Variants in ZC4H2 observed in about 807,000 individuals in gnomAD.
ZC4H2 encodes zinc finger C4H2-type containing, also known as zinc finger C4H2 domain-containing protein.
For missense variants in ZC4H2, 137 were observed against 173.9 expected, an observed-to-expected ratio of 0.79 and a Z score of 1.19; for synonymous variants, 84 against 66.3, an observed-to-expected ratio of 1.27 and a Z score of -1.30.
chrX:64,973,358 T>G (rs763232607), intron 1 of ZC4H2, among the ~76,000 whole-genome samples: 1 of 110,931 alleles, frequency 9.0e-6, no homozygotes, highest in South Asian at 3.8e-4. Flanking sequence ...AGTAATATAT[T>G]ATGTATACAT....
chrX:65,019,494 C>A (rs752238558), intron 1 of ZC4H2, among the ~76,000 whole-genome samples: 7 of 111,999 alleles, frequency 6.3e-5, no homozygotes, highest in Non-Finnish European at 1.1e-4. Context: ...GCATCAACAT[C>A]AACAAAAAGG....
intron 1 of ZC4H2, among the ~76,000 whole-genome samples, chrX:64,923,683 A>AT (rs58475253): frequency 0.018 from 1,771 of 98,513 alleles, 24 homozygotes; most frequent in East Asian, 0.04. Context: ...ATGTTATTGT[A>AT]TTTTTTTTTT....
rs766567908 is a variant in ZC4H2 at position 65,012,515 on chromosome X, CTT to C, written c.-272+22112_-272+22113del. Among the ~76,000 whole-genome samples the C allele has an allele frequency of 5.4e-5, 6 of 111,400 alleles. No homozygotes were observed. In the South Asian group the frequency reaches 1.1e-3, roughly 21 times the overall value. On this transcript the variant is annotated intron_variant, in intron 1 of 4. Transcript: ENST00000337990. ...CCTCTCTTGCTCTCATTCACTCTCT[CTT>C]GTACTACATAATCTTACTTCTTCCT...
Position 64,946,428 on chromosome X carries a change from C to T in ZC4H2, c.54-24440G>A, listed in dbSNP as rs777215253. ...CTGCTCGCCCTCTGTGGGCTGCACC[C>T]GCTGTCTAACCAGTCCCAACGAGAG... On this transcript the variant is annotated intron_variant, in intron 1 of 4. Coordinates refer to ENST00000374839, the MANE Select transcript of ZC4H2 (RefSeq NM_018684.4). 6.3e-5 allele frequency among the ~76,000 whole-genome samples: 7 copies of T among 110,904 alleles called. No individual in the cohort carries two copies. In the East Asian group the frequency reaches 8.5e-4, roughly 13 times the overall value.
intron 1 of ZC4H2, among the ~76,000 whole-genome samples, chrX:64,982,996 G>A (rs1351525514): frequency 9.0e-6 from 1 of 111,697 alleles, no homozygotes; most frequent in African/African-American, 3.3e-5. Flanking sequence ...GAGTGGGAAG[G>A]CAGATGTCCT....
intron 1 of ZC4H2, among the ~76,000 whole-genome samples, chrX:64,957,921 T>C (rs890913827): frequency 5.4e-5 from 6 of 111,291 alleles, no homozygotes; most frequent in African/African-American, 1.6e-4. Context: ...AGCCTAGGCC[T>C]ACACAGGGTT....
intron 1 of ZC4H2, among the ~76,000 whole-genome samples, chrX:64,999,254 G>A (rs934499466): frequency 9.0e-6 from 1 of 110,692 alleles, no homozygotes; most frequent in Admixed American, 9.6e-5. Context: ...CATCTCACTG[G>A]GACAGGTTAG....
intron 1 of ZC4H2, among the ~76,000 whole-genome samples, chrX:65,022,987 C>T (rs1340355051): frequency 9.0e-6 from 1 of 111,587 alleles, no homozygotes; most frequent in East Asian, 2.8e-4. Context: ...GGTGCTATTT[C>T]TGAGGCTTCT....
Position 64,940,292 on chromosome X carries a change from G to C in ZC4H2, c.54-18304C>G, listed in dbSNP as rs1163463633. ...GTAAACTTGTTTAAGATCCTTGTAG[G>C]ATCTGGATATTAGACCTTTGTCAGA... On this transcript the variant is annotated intron_variant, in intron 1 of 4. Transcript: ENST00000374839. 2.2e-4 allele frequency among the ~76,000 whole-genome samples: 24 copies of C among 111,227 alleles called. No homozygotes were observed. In the Admixed American group the frequency reaches 2.3e-3, roughly 11 times the overall value.
At chrX:65,000,488 G>A (rs1013807032) in intron 1 of ZC4H2, among the ~76,000 whole-genome samples, 14 of 111,882 alleles carry the variant, frequency 1.3e-4, no homozygotes, top group South Asian at 7.5e-4. Flanking sequence ...AAACACCAGC[G>A]CAAAAAGTCT....
In ZC4H2 at chrX:64,920,116, A is replaced by C. The variant is rs751112528; in HGVS notation, c.363T>G (p.Pro121=). ...LRMTLGLQRL[P]DLCEEEEKLS... The stretch of plus-strand genomic sequence containing the variant: ...GCTTCTCCTCTTCTTCACACAAGTC[A>C]GGGAGCCTCTGCAGGCCCAGAGTCA... Residue 121 remains proline, a synonymous_variant, in exon 3 of 5, where the codon CCT becomes CCG. Coordinates refer to ENST00000374839, the MANE Select transcript of ZC4H2 (RefSeq NM_018684.4). 8.3e-7 allele frequency: 1 copy of C among 1,209,686 alleles called. No homozygotes were observed.
At chrX:64,999,042 T>TG (rs1321029361) in intron 1 of ZC4H2, among the ~76,000 whole-genome samples, 1 of 70,940 alleles carries the variant, frequency 1.4e-5, no homozygotes, top group Non-Finnish European at 2.5e-5. Flanking sequence ...ATTATGTGTT[T>TG]TTTTTTTTTT....
intron 1 of ZC4H2, among the ~76,000 whole-genome samples, chrX:64,950,461 C>A (rs1429993080): frequency 9.0e-6 from 1 of 111,167 alleles, no homozygotes; most frequent in Non-Finnish European, 1.9e-5. Flanking sequence ...TAAAGTCTCC[C>A]ATTATTATTG....
chrX:65,009,080 T>C (rs1050285430), intron 1 of ZC4H2, among the ~76,000 whole-genome samples: 8 of 112,264 alleles, frequency 7.1e-5, no homozygotes, highest in Admixed American at 5.7e-4. Flanking sequence ...ATGTACTCCA[T>C]AAATATGTAC....
intron 1 of ZC4H2, among the ~76,000 whole-genome samples, chrX:64,930,249 T>A (rs1249867574): frequency 3.6e-5 from 4 of 111,957 alleles, no homozygotes; most frequent in African/African-American, 1.3e-4. Context: ...AATTCGTTTA[T>A]CAGGCCAAGG....
At chrX:64,962,508 A>C (rs12014990) in intron 1 of ZC4H2, among the ~76,000 whole-genome samples, 26,571 of 110,986 alleles carry the variant, frequency 0.24, 7,610 homozygotes, top group African/African-American at 0.82. Flanking sequence ...TCCACTCTTG[A>C]CATTTCTATT....
intron 1 of ZC4H2, among the ~76,000 whole-genome samples, chrX:65,016,138 C>A (rs1462794946): frequency 1.8e-5 from 2 of 111,275 alleles, no homozygotes; most frequent in African/African-American, 3.3e-5. Flanking sequence ...ATACCCATTC[C>A]CCTTTTCTTT....
chrX:64,999,068 T>TTTA (rs1555948665), intron 1 of ZC4H2, among the ~76,000 whole-genome samples: 45 of 75,769 alleles, frequency 5.9e-4, no homozygotes, highest in African/African-American at 1.9e-3. Context: ...TTTTTTTTTT[T>TTTA]AATCTATTCT....
intron 1 of ZC4H2, among the ~76,000 whole-genome samples, chrX:64,964,305 T>C (rs992785943): frequency 9.0e-6 from 1 of 110,876 alleles, no homozygotes; most frequent in Non-Finnish European, 1.9e-5. Context: ...ATTTGAAGAA[T>C]AAATGGCCAA....
Sources: allele counts gnomAD v4.1 joint callset (sites outside exome capture counted in the v4.1 genomes callset), GRCh38; gene constraint gnomAD v4.1.1; transcripts MANE v1.5; gene names NCBI Gene and HGNC (gene_info 2026-07-23, HGNC 2026-07-21).